Variants in SLC9A9 observed in about 807,000 individuals in gnomAD.
The protein encoded by SLC9A9 is solute carrier family 9 member A9, also known as sodium/hydrogen exchanger 9.
SLC9A9 carries 62 observed loss-of-function variants against 77.8 expected under a neutral mutation model. The ratio of observed to expected loss-of-function variants is 0.80; its 90% confidence interval spans 0.65 to 0.98. The LOEUF is 0.98. Among genes scored for constraint, SLC9A9 ranks in the 50% least tolerant of loss-of-function variants. SLC9A9 has a pLI of 0.00. For missense variants in SLC9A9, 775 were observed against 774.9 expected (o/e 1.00, Z 0.00); for synonymous variants, 320 against 283.5 (o/e 1.13, Z -1.29).
chr3:143,475,332 T>C (rs2035456401), intron 11 of SLC9A9, among the ~76,000 whole-genome samples: 1 of 152,124 alleles, frequency 6.6e-6, no homozygotes, highest in Non-Finnish European at 1.5e-5. Context: ...CTTTAAGATC[T>C]GTCTTTCTGT....
At chr3:143,602,380 C>T (rs552662899) in intron 6 of SLC9A9, among the ~76,000 whole-genome samples, 1 of 152,272 alleles carries the variant, frequency 6.6e-6, no homozygotes, top group Non-Finnish European at 1.5e-5. Flanking sequence ...TCTGGGTGAA[C>T]GTCCACCTCT....
At chr3:143,426,611 T>A (rs936410438) in intron 12 of SLC9A9, among the ~76,000 whole-genome samples, 3 of 152,212 alleles carry the variant, frequency 2.0e-5, no homozygotes, top group Non-Finnish European at 2.9e-5. Flanking sequence ...TTTTCAAATA[T>A]ACCTGCATGC....
chr3:143,283,358 G>C (rs369835128), intron 14 of SLC9A9, among the ~76,000 whole-genome samples: 13 of 152,292 alleles, frequency 8.5e-5, no homozygotes, highest in African/African-American at 3.1e-4. Context: ...ATGGATCTCA[G>C]CCTGTCTGGA....
chr3:143,656,546 A>G lies in SLC9A9; in HGVS notation c.650-4186T>C, dbSNP rs1002921000. 2.6e-5 allele frequency among the ~76,000 whole-genome samples: 4 copies of G among 152,332 alleles called. No individual in the cohort carries two copies. The South Asian group carries it at 8.3e-4, about 32-fold the overall frequency. ...CAGCCCCTTCCCTAGAATCTCCATT[A>G]GCAGCTCTATGACCCCTATTTTCTA... On this transcript the variant is annotated intron_variant, in intron 5 of 15. Transcript: ENST00000316549.
At chr3:143,824,673 GT>G (rs2009254179) in intron 2 of SLC9A9, among the ~76,000 whole-genome samples, 3 of 152,214 alleles carry the variant, frequency 2.0e-5, no homozygotes, top group African/African-American at 7.2e-5. Context: ...TGCCTGGCAA[GT>G]GGCAAGTGCT....
intron 9 of SLC9A9, among the ~76,000 whole-genome samples, chr3:143,504,663 C>T (rs578247596): frequency 6.6e-6 from 1 of 152,174 alleles, no homozygotes; most frequent in South Asian, 2.1e-4. Context: ...AATGAAATTC[C>T]TATTTTTTTA....
chr3:143,513,725 A>G (rs2036157064), intron 9 of SLC9A9, among the ~76,000 whole-genome samples: 1 of 152,244 alleles, frequency 6.6e-6, no homozygotes, highest in Admixed American at 6.5e-5. Context: ...CATGGGCTGC[A>G]GAATGGATAT....
intron 4 of SLC9A9, among the ~76,000 whole-genome samples, chr3:143,756,004 A>T (rs1215256873): frequency 1.3e-5 from 2 of 152,230 alleles, no homozygotes; most frequent in African/African-American, 4.8e-5. Flanking sequence ...CAGAGGTTCC[A>T]GTAAGAAACT....
intron 9 of SLC9A9, among the ~76,000 whole-genome samples, chr3:143,510,428 A>AT (rs1355730191): frequency 3.9e-5 from 6 of 152,204 alleles, no homozygotes; most frequent in African/African-American, 1.4e-4. Context: ...TATTTGTGTC[A>AT]TTTTATAGAA....
intron 12 of SLC9A9, among the ~76,000 whole-genome samples, chr3:143,389,907 A>T (rs1049180062): frequency 1.3e-5 from 2 of 152,198 alleles, no homozygotes; most frequent in Non-Finnish European, 2.9e-5. Context: ...ATTTGGGGAC[A>T]TGAAGTATGT....
intron 14 of SLC9A9, among the ~76,000 whole-genome samples, chr3:143,287,133 G>C (rs1456525332): frequency 1.3e-5 from 2 of 151,108 alleles, no homozygotes; most frequent in Non-Finnish European, 2.9e-5. Flanking sequence ...GTGGAGCGGG[G>C]TGCAGAATAA....
intron 14 of SLC9A9, among the ~76,000 whole-genome samples, chr3:143,307,638 C>A (rs2030846098): frequency 6.6e-6 from 1 of 152,182 alleles, no homozygotes; most frequent in Non-Finnish European, 1.5e-5. Flanking sequence ...ATAGGCCCTG[C>A]AGCCTTTCTG....
At chr3:143,491,567 A>T (rs539321029) in intron 11 of SLC9A9, among the ~76,000 whole-genome samples, 2 of 152,238 alleles carry the variant, frequency 1.3e-5, no homozygotes, top group Non-Finnish European at 2.9e-5. Flanking sequence ...ACCTCCTCAC[A>T]TCCCCTGGCT....
intron 2 of SLC9A9, among the ~76,000 whole-genome samples, chr3:143,803,638 C>G (rs1017952100): frequency 6.6e-6 from 1 of 152,130 alleles, no homozygotes; most frequent in African/African-American, 2.4e-5. Context: ...CTTTTATACT[C>G]ACTGTTATTC....
intron 6 of SLC9A9, among the ~76,000 whole-genome samples, chr3:143,600,865 G>A (rs538188325): frequency 4.4e-4 from 67 of 152,292 alleles, no homozygotes; most frequent in African/African-American, 1.6e-3. Flanking sequence ...TAAGTGAGAG[G>A]AGACCCACTG....
chr3:143,667,620 T>TA (rs1388786726), intron 5 of SLC9A9, among the ~76,000 whole-genome samples: 2 of 151,992 alleles, frequency 1.3e-5, no homozygotes, highest in African/African-American at 4.8e-5. Context: ...ACAAAGAACT[T>TA]AAACAAATTT....
intron 13 of SLC9A9, among the ~76,000 whole-genome samples, chr3:143,373,406 T>A (rs2033100779): frequency 6.6e-6 from 1 of 151,990 alleles, no homozygotes; most frequent in South Asian, 2.1e-4. Flanking sequence ...GCTATGGGTG[T>A]GTAAAGGCAT....
At chr3:143,777,206 A>G (rs1243775493) in intron 4 of SLC9A9, among the ~76,000 whole-genome samples, 1 of 152,156 alleles carries the variant, frequency 6.6e-6, no homozygotes, top group African/African-American at 2.4e-5. Flanking sequence ...TTTATTTAAA[A>G]CTGGACAATC....
intron 9 of SLC9A9, among the ~76,000 whole-genome samples, chr3:143,519,494 T>C (rs531460212): frequency 2.6e-5 from 4 of 152,260 alleles, no homozygotes; most frequent in Non-Finnish European, 4.4e-5. Flanking sequence ...GACCTAGGAA[T>C]GTACAAGACT....
Sources: gnomAD v4.1 joint callset for allele counts (sites outside exome capture counted in the v4.1 genomes callset) on GRCh38, gnomAD v4.1.1 for gene constraint, MANE v1.5 for transcripts, NCBI Gene and HGNC (gene_info 2026-07-23, HGNC 2026-07-21) for gene names.